Variants in C5 observed in about 807,000 individuals in gnomAD.
The protein encoded by C5 is C3 and PZP-like alpha-2-macroglobulin domain-containing protein 4.
In C5, 140 loss-of-function variants were observed where a neutral mutation model predicts 218.8. That is an observed-to-expected ratio of 0.64 (90% CI 0.56 to 0.74). The LOEUF (loss-of-function observed/expected upper bound fraction) is 0.74, where lower values mean the gene tolerates loss of function less well. C5 is among the 30% of genes least tolerant of loss of function. The probability of loss-of-function intolerance (pLI) is 0.00; values close to 1 mark genes in which losing one functional copy is unlikely to be tolerated. For missense variants in C5, 1,700 were observed against 1,969.6 expected (o/e 0.86, Z 2.59); for synonymous variants, 614 against 682.3 (o/e 0.90, Z 1.56).
At chr9:121,027,531 A>G (rs1339800976) in intron 7 of C5, among the ~76,000 whole-genome samples, 1 of 152,242 alleles carries the variant, frequency 6.6e-6, no homozygotes, top group Non-Finnish European at 1.5e-5. Flanking sequence ...GGCCTCAGAA[A>G]TAACACCACA....
intron 5 of C5, 89 bp downstream of exon 5, chr9:121,034,714 G>A: frequency 1.4e-6 from 1 of 732,450 alleles, no homozygotes; most frequent in Middle Eastern, 2.3e-4. Context: ...GACACCCTTT[G>A]TTAACATTAG....
chr9:120,975,035 T>C (rs1264139730), intron 29 of C5, 104 bp from the exon 30 acceptor site: 12 of 1,324,562 alleles, frequency 9.1e-6, no homozygotes, highest in East Asian at 2.3e-5. Context: ...TGTCTGGAGA[T>C]GAAACTCCAG....
chr9:121,011,188 C>A (rs34459277), intron 17 of C5, among the ~76,000 whole-genome samples: 1,777 of 152,190 alleles, frequency 0.012, 37 homozygotes, highest in African/African-American at 0.041. Context: ...AGTAAGCAGA[C>A]AACCTACAGA....
intron 31 of C5, among the ~76,000 whole-genome samples, chr9:120,970,841 T>C (rs1399464619): frequency 6.6e-6 from 1 of 152,182 alleles, no homozygotes; most frequent in Non-Finnish European, 1.5e-5. Context: ...ACATGCAATT[T>C]AAGAATGCAT....
Position 120,992,803 on chromosome 9 carries a change from G to A in C5, c.2852-1523C>T, listed in dbSNP as rs756314637. 2.0e-5 allele frequency among the ~76,000 whole-genome samples: 3 copies of A among 152,156 alleles called. No homozygotes were observed. The East Asian group carries it at 5.8e-4, about 29-fold the overall frequency. On this transcript the variant is annotated intron_variant, in intron 22 of 40. Transcript: ENST00000223642. The stretch of plus-strand genomic sequence containing the variant: ...CCAGCAATGTCTTTGTGAACTAAGA[G>A]TAGAGAAAGACCTCTTAAAGATTAC...
intron 18 of C5, among the ~76,000 whole-genome samples, chr9:121,008,146 A>C (rs1184914311): frequency 1.3e-5 from 2 of 152,226 alleles, no homozygotes; most frequent in African/African-American, 2.4e-5. Context: ...AGTTGTGTGT[A>C]GTAAATGCAT....
intron 22 of C5, among the ~76,000 whole-genome samples, chr9:120,995,552 T>C (rs2047109743): frequency 6.6e-6 from 1 of 152,146 alleles, no homozygotes; most frequent in Non-Finnish European, 1.5e-5. Flanking sequence ...TAATTAGCAT[T>C]ATTATGTTTT....
intron 25 of C5, among the ~76,000 whole-genome samples, chr9:120,985,759 A>T (rs149369897): frequency 1.4e-4 from 21 of 152,350 alleles, no homozygotes; most frequent in African/African-American, 4.3e-4. Context: ...AAGGGACTGT[A>T]AACCCATCAC....
At chr9:121,032,008 A>T in intron 6 of C5, 105 bp downstream of exon 6, 1 of 655,656 alleles carries the variant, frequency 1.5e-6, no homozygotes. Context: ...GGTTGCAGTG[A>T]GCTGAGATCG....
Position 120,953,734 on chromosome 9 carries a change from A to C in C5, c.4897T>G (p.Phe1633Val). Residue 1633 changes from phenylalanine to valine, a missense_variant, in exon 40 of 41, where the codon TTC becomes GTC. Phe to Val is a conservative substitution (Grantham distance 50). Transcript: ENST00000223642. ...TGAAAAATATTGGTGACTTACCTGA[A>C]ACTGAAATTGTATTTTATCTGGAGG... Reference protein sequence around the residue: ...EALQIKYNFSFRYIYPLDSLT... With the variant: ...EALQIKYNFSVRYIYPLDSLT... 3.7e-6 allele frequency: 6 copies of C among 1,614,088 alleles called. No homozygotes were observed. The highest frequency in any genetic ancestry group is 5.1e-6 in the Non-Finnish European group (6 of 1,179,970).
intron 32 of C5, among the ~76,000 whole-genome samples, chr9:120,969,626 T>C (rs1014654548): frequency 1.2e-4 from 18 of 152,120 alleles, no homozygotes; most frequent in African/African-American, 4.1e-4. Context: ...GTGAGGGCCT[T>C]GGGTTAAATA....
chr9:121,056,876 C>CA, the C5 span, among the ~76,000 whole-genome samples: 3 of 151,954 alleles, frequency 2.0e-5, no homozygotes, highest in Admixed American at 6.6e-5. Context: ...TATCTAGGTA[C>CA]AAAAAAATCA....
chr9:121,024,355 A>G (rs1214730151), intron 9 of C5, among the ~76,000 whole-genome samples: 1 of 1,672 alleles, frequency 6.0e-4, no homozygotes, highest in Non-Finnish European at 1.0e-3. Flanking sequence ...GAGGGAGGGG[A>G]GCGGGAGGGG....
intron 3 of C5, 108 bp from the exon 4 acceptor site, chr9:121,038,059 T>C (rs1422738882): frequency 1.7e-6 from 1 of 572,724 alleles, no homozygotes; most frequent in Non-Finnish European, 3.1e-6. Flanking sequence ...AAAAACTCAA[T>C]ACACAAAAGT....
chr9:120,975,123 T>C (rs983286027), intron 29 of C5, among the ~76,000 whole-genome samples, 192 bp from the exon 30 acceptor site: 1 of 152,194 alleles, frequency 6.6e-6, no homozygotes, highest in Non-Finnish European at 1.5e-5. Context: ...AAGATGCTGT[T>C]AGCAGGGACA....
chr9:120,988,082 T>G (rs1240092098), intron 25 of C5, among the ~76,000 whole-genome samples: 1 of 152,204 alleles, frequency 6.6e-6, no homozygotes, highest in South Asian at 2.1e-4. Flanking sequence ...TGAGCCACCA[T>G]GCCCAGCCGG....
chr9:120,981,773 G>C (rs1267750035), intron 27 of C5, 71 bp downstream of exon 27: 1 of 991,646 alleles, frequency 1.0e-6, no homozygotes, highest in African/African-American at 1.6e-5. Flanking sequence ...AAGGTCTTCT[G>C]ATTGGTGGCC....
intron 11 of C5, among the ~76,000 whole-genome samples, chr9:121,020,807 A>G (rs1265486266): frequency 6.6e-6 from 1 of 152,240 alleles, no homozygotes; most frequent in East Asian, 1.9e-4. Context: ...TTAGTTAATC[A>G]AAAGAGAGGT....
At chr9:120,957,454 G>A in intron 38 of C5, 86 bp from the exon 39 acceptor site, 4 of 983,026 alleles carry the variant, frequency 4.1e-6, no homozygotes, top group East Asian at 4.9e-5. Context: ...TGTCAAACAC[G>A]AGAAATGAAG....
Sources: gnomAD v4.1 joint callset for allele counts (sites outside exome capture counted in the v4.1 genomes callset) on GRCh38, gnomAD v4.1.1 for gene constraint, MANE v1.5 for transcripts, NCBI Gene and HGNC (gene_info 2026-07-23, HGNC 2026-07-21) for gene names.